ARID2: variants seen among roughly 807,000 people sequenced by gnomAD.
The protein encoded by ARID2 is AT-rich interaction domain 2.
In ARID2, 32 loss-of-function variants were observed where a neutral mutation model predicts 184.6. That is an observed-to-expected ratio of 0.17 (90% CI 0.13 to 0.23). ARID2 has a LOEUF of 0.23. Among genes scored for constraint, ARID2 ranks in the 10% least tolerant of loss-of-function variants. The pLI is 1.00. For synonymous variants in ARID2, 836 were observed against 772.6 expected (o/e 1.08, Z -1.36); for missense variants, 1,696 against 2,197.6 (o/e 0.77, Z 4.56).
chr12:45,768,614 G>A (rs978165634), intron 3 of ARID2, among the ~76,000 whole-genome samples: 1 of 152,160 alleles, frequency 6.6e-6, no homozygotes, highest in Non-Finnish European at 1.5e-5. Context: ...AAACAGGAGG[G>A]TGCGGTGAGA....
At chr12:45,866,726 A>C (rs142074395) in intron 16 of ARID2, among the ~76,000 whole-genome samples, 107 of 152,340 alleles carry the variant, frequency 7.0e-4, no homozygotes, top group Non-Finnish European at 4.4e-4. Flanking sequence ...TAGGTTTACA[A>C]CAAAATTGAA....
At chr12:45,836,515 C>T in intron 6 of ARID2, 74 bp from the exon 7 acceptor site, 1 of 1,387,202 alleles carries the variant, frequency 7.2e-7, no homozygotes, top group Non-Finnish European at 9.8e-7. Flanking sequence ...CATACCTAGC[C>T]TGTGTGTGAC....
At position 45,850,920 on chromosome 12, in the gene ARID2, G is replaced by C. The variant is rs145505205; in HGVS notation, c.2797G>C (p.Ala933Pro). Reference protein sequence around the residue: ...QQSVVIVSQPAQQGQTYAPAI... With the variant: ...QQSVVIVSQPPQQGQTYAPAI... Reference sequence around the variant, plus strand: ...AAGCGTAGTGATTGTAAGCCAGCCAGCTCAACAAGGTCAAACTTATGCACC... The same window carrying C: ...AAGCGTAGTGATTGTAAGCCAGCCACCTCAACAAGGTCAAACTTATGCACC... Residue 933 changes from alanine to proline, a missense_variant, in exon 15 of 21, where the codon GCT becomes CCT. Transcript: ENST00000334344. 6.2e-7 allele frequency: 1 copy of C among 1,613,998 alleles called. No individual in the cohort carries two copies. Among genetic ancestry groups the C allele is most frequent in the Non-Finnish European group, 8.5e-7 (1 of 1,180,028 alleles).
chr12:45,885,074 T>C (rs967424439), intron 16 of ARID2, among the ~76,000 whole-genome samples: 1 of 151,844 alleles, frequency 6.6e-6, no homozygotes, highest in Non-Finnish European at 1.5e-5. Context: ...TTAGTACTTT[T>C]TTTCTATTTT....
intron 6 of ARID2, among the ~76,000 whole-genome samples, chr12:45,831,574 G>A (rs1438467958): frequency 6.6e-6 from 1 of 151,956 alleles, no homozygotes. Context: ...ATAAATTATT[G>A]TAGTCACTCT....
chr12:45,901,209 T>C, intron 20 of ARID2, among the ~76,000 whole-genome samples: 1 of 128,064 alleles, frequency 7.8e-6, no homozygotes, highest in African/African-American at 3.0e-5. Context: ...CTCGCTCCGT[T>C]GCCCAGGCTG....
At chr12:45,794,814 C>A (rs927280434) in intron 3 of ARID2, among the ~76,000 whole-genome samples, 3 of 152,146 alleles carry the variant, frequency 2.0e-5, no homozygotes, top group African/African-American at 7.2e-5. Flanking sequence ...AATAATGAAT[C>A]TAATTTATAA....
chr12:45,768,862 A>G (rs896693892), intron 3 of ARID2, among the ~76,000 whole-genome samples: 3 of 152,216 alleles, frequency 2.0e-5, no homozygotes, highest in Non-Finnish European at 4.4e-5. Flanking sequence ...TCAGCCAGCA[A>G]TTGGTGATGC....
At chr12:45,876,721 A>G (rs1332977735) in intron 16 of ARID2, among the ~76,000 whole-genome samples, 4 of 151,796 alleles carry the variant, frequency 2.6e-5, no homozygotes, top group African/African-American at 9.7e-5. Context: ...TAAAGACAGG[A>G]AGCAAGCACA....
rs116098200 is a variant in ARID2, at chr12:45,904,726, G to C, written c.5364-208G>C. Among the ~76,000 whole-genome samples the C allele has an allele frequency of 5.0e-3, 712 of 143,134 alleles. 10 individuals carry two copies. The highest frequency in any genetic ancestry group is 0.017 in the African/African-American group (661 of 38,634). The allele number at this position is 143,134 out of a possible 152,430, so 93.9% of individuals were successfully genotyped here. ...AAAAAAAAAAAAAAGGTACTATGCA[G>C]AAAAGGCAAACAGTAATAGTCAGCC... On this transcript the variant is annotated intron_variant, in intron 20 of 20. Transcript: ENST00000334344.
intron 3 of ARID2, among the ~76,000 whole-genome samples, chr12:45,745,858 G>A (rs1264020026): frequency 6.6e-6 from 1 of 151,946 alleles, no homozygotes; most frequent in Non-Finnish European, 1.5e-5. Context: ...CTGGTTTTAT[G>A]TTAAGATGAT....
Position 45,836,823 on chromosome 12 carries a change from G to T in ARID2, c.855G>T (p.Arg285=), listed in dbSNP as rs1401056915. ...KLGINDIEGQ[R]VLQIAVILRN... ...GCATTAACGATATTGAAGGACAGCG[G>T]GTACTTCAGATTGCAGTGATTTTGA... The change falls in exon 8 of 21, where the codon CGG becomes CGT. Residue 285 remains arginine (R), a synonymous_variant. Coordinates refer to ENST00000334344, the MANE Select transcript of ARID2 (RefSeq NM_152641.4). The T allele has an allele frequency of 1.2e-6, 2 of 1,614,106 alleles. No individual in the cohort carries two copies. The highest frequency in any genetic ancestry group is 1.7e-6 in the Non-Finnish European group (2 of 1,179,990).
intron 15 of ARID2, among the ~76,000 whole-genome samples, chr12:45,857,460 G>C (rs1409466793): frequency 6.6e-6 from 1 of 152,082 alleles, no homozygotes; most frequent in Non-Finnish European, 1.5e-5. Flanking sequence ...ACTAAGAAAA[G>C]TATTACATAA....
chr12:45,883,707 C>G (rs905824650), intron 16 of ARID2, among the ~76,000 whole-genome samples: 1 of 151,132 alleles, frequency 6.6e-6, no homozygotes, highest in East Asian at 1.9e-4. Context: ...TTAGACATAC[C>G]AGGTTTCAAA....
At chr12:45,744,813 A>AGAGAAAAAACACT (rs1941326104) in intron 3 of ARID2, among the ~76,000 whole-genome samples, 5 of 152,214 alleles carry the variant, frequency 3.3e-5, no homozygotes, top group Admixed American at 6.5e-5. Flanking sequence ...ATCCATTTAA[A>AGAGAAAAAACACT]TTCATCAATG....
At chr12:45,887,532 ATGT>A (rs1944214574) in intron 16 of ARID2, among the ~76,000 whole-genome samples, 1 of 152,224 alleles carries the variant, frequency 6.6e-6, no homozygotes, top group Non-Finnish European at 1.5e-5. Context: ...ATAGAATCCA[ATGT>A]TGTAGGAAAA....
At chr12:45,892,409 A>G (rs1335388212) in intron 18 of ARID2, among the ~76,000 whole-genome samples, 2 of 152,204 alleles carry the variant, frequency 1.3e-5, no homozygotes, top group Admixed American at 6.5e-5. Flanking sequence ...AGTACTGTGT[A>G]TGGTTCTTTT....
chr12:45,892,062 C>T lies in ARID2; in HGVS notation c.5113C>T (p.Pro1705Ser), dbSNP rs1199932151. Residue 1705 changes from proline to serine, a missense_variant, in exon 18 of 21, where the codon CCA (proline) becomes TCA (serine). Coordinates refer to ENST00000334344, the MANE Select transcript of ARID2 (RefSeq NM_152641.4). Reference sequence around the variant, plus strand: ...ACTTGCAGGATTAAAACAAGATGAACCAGGACAAGCAGGAAGTCAGAAGTC... The same window carrying T: ...ACTTGCAGGATTAAAACAAGATGAATCAGGACAAGCAGGAAGTCAGAAGTC... ...ALLAGLKQDE[P>S]GQAGSQKSST... The T allele has an allele frequency of 6.2e-7, 1 of 1,613,966 alleles. No homozygotes were observed. Among genetic ancestry groups the T allele is most frequent in the South Asian group, 1.1e-5 (1 of 91,064 alleles).
At chr12:45,757,248 T>G (rs1032128557) in intron 3 of ARID2, among the ~76,000 whole-genome samples, 1 of 152,144 alleles carries the variant, frequency 6.6e-6, no homozygotes, top group African/African-American at 2.4e-5. Context: ...TAAATACTAT[T>G]TGGAAAAACA....
Sources: allele counts gnomAD v4.1 joint callset (sites outside exome capture counted in the v4.1 genomes callset), GRCh38; gene constraint gnomAD v4.1.1; transcripts MANE v1.5; gene names NCBI Gene and HGNC (gene_info 2026-07-23, HGNC 2026-07-21).